Variants in EYS observed in about 807,000 individuals in gnomAD.
EYS encodes protein eyes shut homolog.
In EYS, 250 loss-of-function variants were observed where a neutral mutation model predicts 282.1. The observed-to-expected ratio is 0.89, with a 90% confidence interval of 0.80 to 0.98. The LOEUF (loss-of-function observed/expected upper bound fraction) is 0.98, where lower values mean the gene tolerates loss of function less well. EYS is among the 50% of genes least tolerant of loss of function. The probability of loss-of-function intolerance (pLI) is 0.00; values close to 1 mark genes in which losing one functional copy is unlikely to be tolerated. For missense variants in EYS, 4,016 were observed against 3,709.0 expected (o/e 1.08, Z -2.15); for synonymous variants, 1,355 against 1,282.9 (o/e 1.06, Z -1.20).
At chr6:65,275,256 CTGT>C in intron 12 of EYS, among the ~76,000 whole-genome samples, 1 of 152,202 alleles carries the variant, frequency 6.6e-6, no homozygotes, top group Non-Finnish European at 1.5e-5. Flanking sequence ...TGAGAAACAG[CTGT>C]TGGTATGTTA....
At chr6:65,668,645 T>G (rs975013364) in intron 1 of EYS, among the ~76,000 whole-genome samples, 6 of 151,922 alleles carry the variant, frequency 3.9e-5, no homozygotes, top group African/African-American at 1.4e-4. Flanking sequence ...TCAAATCATT[T>G]TCTTCCATCA....
chr6:64,264,839 G>A (rs961847410), intron 30 of EYS, among the ~76,000 whole-genome samples: 2 of 152,086 alleles, frequency 1.3e-5, no homozygotes, highest in African/African-American at 4.8e-5. Context: ...CGGAAGCTGA[G>A]GTTGCAATGA....
intron 33 of EYS, among the ~76,000 whole-genome samples, chr6:64,007,195 G>A (rs991188885): frequency 2.6e-5 from 4 of 152,042 alleles, no homozygotes; most frequent in African/African-American, 9.7e-5. Context: ...GTCTGTTCAA[G>A]GATTCAATTT....
intron 29 of EYS, among the ~76,000 whole-genome samples, chr6:64,309,069 A>G (rs192026742): frequency 6.6e-6 from 1 of 152,260 alleles, no homozygotes; most frequent in Admixed American, 6.5e-5. Flanking sequence ...TATTAAAAAA[A>G]TGATCTTATA....
chr6:65,381,972 G>T (rs1765627536), intron 8 of EYS, among the ~76,000 whole-genome samples: 1 of 151,742 alleles, frequency 6.6e-6, no homozygotes, highest in Non-Finnish European at 1.5e-5. Context: ...CCATCATTTT[G>T]TTTCAATAAA....
At chr6:65,144,463 AAG>A (rs1269000114) in intron 12 of EYS, among the ~76,000 whole-genome samples, 2 of 152,146 alleles carry the variant, frequency 1.3e-5, no homozygotes, top group Non-Finnish European at 2.9e-5. Flanking sequence ...GAAAAATTTA[AAG>A]AGAGAAAACG....
intron 19 of EYS, among the ~76,000 whole-genome samples, chr6:64,867,463 A>T (rs568866888): frequency 1.3e-5 from 2 of 151,680 alleles, no homozygotes; most frequent in Non-Finnish European, 3.0e-5. Flanking sequence ...TCTTTTTCCT[A>T]TTGCTTTTCT....
At chr6:64,833,483 T>C (rs1326711891) in intron 19 of EYS, among the ~76,000 whole-genome samples, 2 of 151,872 alleles carry the variant, frequency 1.3e-5, no homozygotes, top group Non-Finnish European at 2.9e-5. Flanking sequence ...GCCCCAACAT[T>C]TCTTCTGTGA....
intron 22 of EYS, among the ~76,000 whole-genome samples, chr6:64,756,183 C>T (rs1476907052): frequency 6.6e-6 from 1 of 152,070 alleles, no homozygotes; most frequent in Non-Finnish European, 1.5e-5. Context: ...AATTTTGTTT[C>T]ACAATTTGTT....
At chr6:63,854,811 T>C (rs1772349287) in intron 36 of EYS, among the ~76,000 whole-genome samples, 1 of 152,180 alleles carries the variant, frequency 6.6e-6, no homozygotes, top group Non-Finnish European at 1.5e-5. Context: ...TCTCAAATTA[T>C]GTTTGGAAGA....
chr6:64,389,662 C>T (rs991828844), intron 28 of EYS, among the ~76,000 whole-genome samples: 1 of 152,090 alleles, frequency 6.6e-6, no homozygotes, highest in African/African-American at 2.4e-5. Context: ...ACTATCTAAC[C>T]CTTATAGAAA....
chr6:63,790,129 A>G (rs1025049551), intron 37 of EYS, among the ~76,000 whole-genome samples: 1 of 152,202 alleles, frequency 6.6e-6, no homozygotes, highest in African/African-American at 2.4e-5. Flanking sequence ...CCTAGAAGTA[A>G]GAGGTTTAAG....
chr6:65,323,371 G>A (rs1375445426), intron 11 of EYS, among the ~76,000 whole-genome samples: 4 of 150,612 alleles, frequency 2.7e-5, no homozygotes, highest in Admixed American at 6.6e-5. Context: ...TATTTAAGAG[G>A]ATGAGATAGA....
chr6:64,100,870 C>G, intron 31 of EYS, among the ~76,000 whole-genome samples: 1 of 152,162 alleles, frequency 6.6e-6, no homozygotes, highest in East Asian at 1.9e-4. Flanking sequence ...CTGTTAGGCA[C>G]TCCCCCTCCT....
chr6:64,809,706 A>G (rs1391408606), intron 22 of EYS, among the ~76,000 whole-genome samples: 1 of 152,032 alleles, frequency 6.6e-6, no homozygotes, highest in Non-Finnish European at 1.5e-5. Context: ...ATGATCCTAA[A>G]TGACCAAACA....
Position 64,283,986 on chromosome 6 carries a change from G to T in EYS, c.6191+22984C>A, listed in dbSNP as rs567443062. The stretch of plus-strand genomic sequence containing the variant: ...GGAGTACAATTCAAGATCAGATTTG[G>T]ATGAGGACACAGAGCCAAACCATAT... On this transcript the variant is annotated intron_variant, in intron 30 of 42. Coordinates refer to ENST00000503581, the MANE Select transcript of EYS (RefSeq NM_001142800.2). 3.3e-5 allele frequency among the ~76,000 whole-genome samples: 5 copies of T among 152,182 alleles called. No homozygotes were observed. In the East Asian group the frequency reaches 9.7e-4, roughly 29 times the overall value.
intron 26 of EYS, among the ~76,000 whole-genome samples, chr6:64,457,560 T>C (rs1350663930): frequency 6.6e-6 from 1 of 152,046 alleles, no homozygotes; most frequent in African/African-American, 2.4e-5. Flanking sequence ...TTGCTGCATA[T>C]ATTGTTATAT....
intron 31 of EYS, among the ~76,000 whole-genome samples, chr6:64,102,423 A>T (rs1161958193): frequency 6.6e-6 from 1 of 152,122 alleles, no homozygotes; most frequent in East Asian, 1.9e-4. Flanking sequence ...AATAACACTA[A>T]TTCATAAAAA....
chr6:64,450,097 G>A (rs1343081271), intron 26 of EYS, among the ~76,000 whole-genome samples: 1 of 151,914 alleles, frequency 6.6e-6, no homozygotes, highest in African/African-American at 2.4e-5. Context: ...TCAGTGTGCT[G>A]TATTCAGGAA....
Sources: allele counts gnomAD v4.1 joint callset (sites outside exome capture counted in the v4.1 genomes callset), GRCh38; gene constraint gnomAD v4.1.1; transcripts MANE v1.5; gene names NCBI Gene and HGNC (gene_info 2026-07-23, HGNC 2026-07-21).